The following GRIP2 variants were observed in gnomAD, a reference collection of about 807,000 sequenced individuals.
The protein encoded by GRIP2 is glutamate receptor-interacting protein 2.
Under a neutral mutation model 108.3 loss-of-function variants are expected in GRIP2, and 58 were observed. The observed-to-expected ratio is 0.54, with a 90% confidence interval of 0.43 to 0.67. The LOEUF (loss-of-function observed/expected upper bound fraction) is 0.67, where lower values mean the gene tolerates loss of function less well. GRIP2 is among the 30% of genes least tolerant of loss of function. GRIP2 has a pLI of 0.00. For synonymous variants in GRIP2, 586 were observed against 598.2 expected (o/e 0.98, Z 0.30); for missense variants, 1,278 against 1,430.6 (o/e 0.89, Z 1.72).
At chr3:14,496,370 C>T in intron 22 of GRIP2, 47 bp downstream of exon 22, 2 of 1,521,392 alleles carry the variant, frequency 1.3e-6, no homozygotes, top group Non-Finnish European at 1.8e-6. Context: ...GTGCTCATGG[C>T]ACCAGAACAC....
intron 12 of GRIP2, 29 bp from the exon 13 acceptor site, chr3:14,513,839 G>C: frequency 1.2e-6 from 2 of 1,607,594 alleles, no homozygotes; most frequent in East Asian, 2.2e-5. Flanking sequence ...GCAGAGAGAA[G>C]AGGCTCCGTG....
At chr3:14,510,345 A>G (rs1296300962) in intron 16 of GRIP2, among the ~76,000 whole-genome samples, 1 of 144,268 alleles carries the variant, frequency 6.9e-6, no homozygotes, top group East Asian at 2.1e-4. Context: ...TCACTGCCAT[A>G]CCTCTGCTTC....
intron 11 of GRIP2, 117 bp downstream of exon 11, chr3:14,516,947 G>T (rs150652797): frequency 8.4e-6 from 8 of 948,364 alleles, no homozygotes; most frequent in Middle Eastern, 2.3e-4. Context: ...ACATTCCCAC[G>T]CATACACCTG....
At chr3:14,598,333 G>C in the GRIP2 span, among the ~76,000 whole-genome samples, 2 of 137,668 alleles carry the variant, frequency 1.5e-5, no homozygotes, top group South Asian at 5.0e-4. Flanking sequence ...TCAGCTAGCT[G>C]GGTACCACAG....
chr3:14,538,207 G>A (rs1178951377), intron 1 of GRIP2, among the ~76,000 whole-genome samples: 1 of 152,196 alleles, frequency 6.6e-6, no homozygotes, highest in Non-Finnish European at 1.5e-5. Flanking sequence ...ACTTCTCAGG[G>A]CTGCAGTCTT....
rs370347208 is a variant in GRIP2 at position 14,493,676 on chromosome 3, G to A, written c.3121C>T (p.Arg1041Trp). ...CCCACATGCTGACTTCAGAGCATCC[G>A]GGGACTGCTGGGGCCTGGCGATCGG... is the stretch of plus-strand genomic sequence containing the variant. ...APRSPGPSSP[R>W]ML The change falls in exon 24 of 24, where the codon CGG becomes TGG. Residue 1041 changes from arginine (R) to tryptophan (W), a missense_variant. Arg to Trp is a moderately radical substitution (Grantham distance 101). Transcript: ENST00000621039. 38 of 1,601,932 alleles carry A rather than the reference G, an allele frequency of 2.4e-5. No individual in the cohort carries two copies. In the African/African-American group the frequency reaches 3.5e-4, roughly 15 times the overall value.
intron 11 of GRIP2, among the ~76,000 whole-genome samples, chr3:14,515,252 G>A (rs903168435): frequency 4.6e-5 from 7 of 152,176 alleles, no homozygotes; most frequent in Non-Finnish European, 8.8e-5. Flanking sequence ...GGTGGATACT[G>A]CGTTCCTTCC....
intron 1 of GRIP2, among the ~76,000 whole-genome samples, chr3:14,552,812 T>C (rs1239238968): frequency 6.6e-6 from 1 of 152,022 alleles, no homozygotes; most frequent in Non-Finnish European, 1.5e-5. Flanking sequence ...AGGCTGGTCT[T>C]GAACTCCTGG....
upstream of GRIP2, chr3:14,540,371 CT>C (rs199582112): frequency 0.012 from 19,240 of 1,611,060 alleles, 160 homozygotes; most frequent in Non-Finnish European, 0.015. This position sits in a 1 kb window ranked among gnomAD's most constrained non-coding sequence, Gnocchi z 4.1. Context: ...TTGGCCCTCC[CT>C]CCCCTCCCCA....
chr3:14,551,864 T>C (rs1695155149), intron 1 of GRIP2, among the ~76,000 whole-genome samples: 1 of 152,162 alleles, frequency 6.6e-6, no homozygotes, highest in Admixed American at 6.5e-5. Context: ...AAGCCTCAGT[T>C]TCCTCAACTG....
At chr3:14,572,778 T>C in the GRIP2 span, 3 of 618,028 alleles carry the variant, frequency 4.9e-6, no homozygotes, top group Non-Finnish European at 8.5e-6. Flanking sequence ...CTGGTAAGCC[T>C]GTGAGGCTCA....
At chr3:14,509,676 A>G in intron 17 of GRIP2, 144 bp downstream of exon 17, 1 of 836,426 alleles carries the variant, frequency 1.2e-6, no homozygotes, top group Non-Finnish European at 1.7e-6. Context: ...TGAGTCTCAG[A>G]GAGGGGAAGT....
At chr3:14,580,015 G>A in the GRIP2 span, among the ~76,000 whole-genome samples, 1 of 152,196 alleles carries the variant, frequency 6.6e-6, no homozygotes, top group South Asian at 2.1e-4. Flanking sequence ...GGCAGTGTAT[G>A]GCAGCCTCTC....
At chr3:14,534,145 C>T (rs1694777143) in intron 1 of GRIP2, among the ~76,000 whole-genome samples, 1 of 152,190 alleles carries the variant, frequency 6.6e-6, no homozygotes, top group Admixed American at 6.5e-5. Flanking sequence ...GACATAGGGC[C>T]TCTCTTTCAC....
chr3:14,507,458 C>T lies in GRIP2; in HGVS notation c.2218+103G>A, dbSNP rs1574998219. ...CCATCGCAGGCCCGCCTCCACAGGG[C>T]TGCAGTGAGGACTCTGTGAGGGTGT... is the stretch of plus-strand genomic sequence containing the variant. On this transcript the variant is annotated intron_variant, in intron 18 of 23. Transcript: ENST00000621039. This position sits in a 1 kb window ranked among gnomAD's most constrained non-coding sequence, Gnocchi z 4.6. 7.1e-7 allele frequency: 1 copy of T among 1,407,930 alleles called. No homozygotes were observed. Among genetic ancestry groups the T allele is most frequent in the Non-Finnish European group, 9.9e-7 (1 of 1,011,896 alleles). 87.2% of individuals were successfully genotyped at this position (1,407,930 alleles called of 1,614,324 possible). A position where few individuals can be genotyped will look rare whatever the true frequency, so the allele number is the denominator to read the frequency against.
At chr3:14,525,723 A>G in intron 2 of GRIP2, 128 bp downstream of exon 2, 1 of 1,299,260 alleles carries the variant, frequency 7.7e-7, no homozygotes, top group Non-Finnish European at 1.1e-6. Flanking sequence ...GAGGAGAATC[A>G]GAGAGGTTAA....
the GRIP2 span, among the ~76,000 whole-genome samples, chr3:14,576,295 A>G: frequency 6.6e-6 from 1 of 152,206 alleles, no homozygotes; most frequent in African/African-American, 2.4e-5. Flanking sequence ...CATCCTCAGG[A>G]CGGCACTGAG....
chr3:14,536,607 GGGCTCCTGTCCAGCA>G (rs1694840316), intron 1 of GRIP2, among the ~76,000 whole-genome samples: 1 of 152,230 alleles, frequency 6.6e-6, no homozygotes, highest in Non-Finnish European at 1.5e-5. Context: ...ACAGGGAGAG[GGGCTCCTGTCCAGCA>G]GGCCTGAGCC....
chr3:14,595,737 T>C, the GRIP2 span, among the ~76,000 whole-genome samples: 2 of 152,200 alleles, frequency 1.3e-5, no homozygotes, highest in African/African-American at 4.8e-5. Flanking sequence ...GCTCCGCAGG[T>C]TGCCCCTTGC....
Sources: allele counts gnomAD v4.1 joint callset (sites outside exome capture counted in the v4.1 genomes callset), GRCh38; gene constraint gnomAD v4.1.1; non-coding constraint Gnocchi (gnomAD v3.1); transcripts MANE v1.5; gene names NCBI Gene and HGNC (gene_info 2026-07-23, HGNC 2026-07-21).